The following CREB5 variants were observed in gnomAD, a reference collection of about 807,000 sequenced individuals.
CREB5 encodes cyclic AMP-responsive element-binding protein 5.
Under a neutral mutation model 57.1 loss-of-function variants are expected in CREB5, and 19 were observed. The observed-to-expected ratio is 0.33, with a 90% CI of 0.23 to 0.49. The LOEUF (loss-of-function observed/expected upper bound fraction) is 0.49. Among genes scored for constraint, CREB5 ranks in the 20% least tolerant of loss-of-function variants. The pLI, the probability that CREB5 is intolerant of heterozygous loss-of-function variation, is 0.99. For synonymous variants in CREB5, 238 were observed against 238.3 expected, an observed-to-expected ratio of 1.00 and a Z score of 0.01; for missense variants, 579 against 671.6, an observed-to-expected ratio of 0.86 and a Z score of 1.52.
chr7:28,420,466 A>C (rs892661700), intron 1 of CREB5, among the ~76,000 whole-genome samples: 1 of 152,222 alleles, frequency 6.6e-6, no homozygotes, highest in Admixed American at 6.5e-5. Context: ...GATTGGTTGC[A>C]CAACAGTGTG....
At chr7:28,667,562 C>T (rs1799874175) in intron 5 of CREB5, among the ~76,000 whole-genome samples, 1 of 151,104 alleles carries the variant, frequency 6.6e-6, no homozygotes, top group Non-Finnish European at 1.5e-5. Flanking sequence ...GGGAATCATT[C>T]TCTAAGTAGA....
intron 5 of CREB5, among the ~76,000 whole-genome samples, chr7:28,622,261 A>T (rs41288): frequency 0.15 from 14,674 of 98,714 alleles, 755 homozygotes; most frequent in African/African-American, 0.23. Context: ...TCTCTCTCTC[A>T]CACACACACA....
At chr7:28,611,720 T>TAAA (rs1797396715) in intron 5 of CREB5, among the ~76,000 whole-genome samples, 1 of 141,204 alleles carries the variant, frequency 7.1e-6, no homozygotes, top group African/African-American at 2.7e-5. Flanking sequence ...AAATAAAATA[T>TAAA]ATATGTGCGA....
chr7:28,560,825 C>CGTGCGCGTGCGT, intron 4 of CREB5, among the ~76,000 whole-genome samples: 1 of 37,566 alleles, frequency 2.7e-5, no homozygotes, highest in Non-Finnish European at 6.5e-5. Context: ...TGTGTGTGCG[C>CGTGCGCGTGCGT]GCGCGCGCGT....
chr7:28,491,262 G>T (rs912518172), intron 2 of CREB5: 1 of 985,288 alleles, frequency 1.0e-6, no homozygotes, highest in African/African-American at 1.7e-5. Context: ...GAGACAGAAG[G>T]GGTGAGCATG....
chr7:28,304,754 G>T (rs577287666), intron 1 of CREB5, among the ~76,000 whole-genome samples: 3 of 152,250 alleles, frequency 2.0e-5, no homozygotes, highest in African/African-American at 7.2e-5. Flanking sequence ...AACTCACATT[G>T]TAAAAAATCA....
intron 7 of CREB5, among the ~76,000 whole-genome samples, chr7:28,762,814 A>G (rs1486810798): frequency 1.3e-5 from 2 of 151,458 alleles, no homozygotes; most frequent in East Asian, 3.9e-4. Context: ...CTTTTCATTC[A>G]TTTATTTCTT....
intron 7 of CREB5, among the ~76,000 whole-genome samples, chr7:28,728,379 A>G (rs949435270): frequency 6.6e-6 from 1 of 152,246 alleles, no homozygotes; most frequent in African/African-American, 2.4e-5. Flanking sequence ...TCCTTTGGAT[A>G]AAAATATCAT....
chr7:28,416,451 G>A (rs1788029940), intron 1 of CREB5, among the ~76,000 whole-genome samples: 1 of 152,168 alleles, frequency 6.6e-6, no homozygotes, highest in Admixed American at 6.5e-5. Context: ...ATCAAAACAA[G>A]ATCTTCTCCT....
At chr7:28,539,804 G>T (rs190132124) in intron 4 of CREB5, among the ~76,000 whole-genome samples, 14 of 152,268 alleles carry the variant, frequency 9.2e-5, no homozygotes, top group African/African-American at 3.4e-4. Context: ...ACCTGCCTTC[G>T]TCACCTTGTG....
intron 1 of CREB5, among the ~76,000 whole-genome samples, chr7:28,304,991 CAT>C (rs1368946298): frequency 4.6e-5 from 7 of 152,138 alleles, no homozygotes; most frequent in Admixed American, 1.3e-4. Context: ...AAATTTGCAA[CAT>C]GTTTGTCAAA....
Position 28,613,241 on chromosome 7 carries a change from C to T in CREB5, c.464+42704C>T, listed in dbSNP as rs560555906. ...TATATTTTTCCCCTTGAAAAGTATT[C>T]GCATTGCAAATGTGTGACCGTCTAA... On this transcript the variant is annotated intron_variant, in intron 5 of 10. Coordinates refer to ENST00000357727, the MANE Select transcript of CREB5 (RefSeq NM_182898.4). Among the ~76,000 whole-genome samples the T allele has an allele frequency of 2.6e-5, 4 of 152,288 alleles. No individual in the cohort carries two copies. The South Asian group carries it at 6.2e-4, about 24-fold the overall frequency.
At chr7:28,761,276 C>T (rs1026055539) in intron 7 of CREB5, among the ~76,000 whole-genome samples, 12 of 152,202 alleles carry the variant, frequency 7.9e-5, no homozygotes, top group Admixed American at 2.6e-4. Context: ...TGGGGTTCCA[C>T]AGCTGCTGCT....
chr7:28,579,028 C>T (rs1241300138), intron 5 of CREB5, among the ~76,000 whole-genome samples: 1 of 152,176 alleles, frequency 6.6e-6, no homozygotes, highest in Non-Finnish European at 1.5e-5. Context: ...CATCATTGCT[C>T]TAGGGATAGA....
intron 5 of CREB5, among the ~76,000 whole-genome samples, chr7:28,698,924 AT>A (rs1463577316): frequency 1.3e-5 from 2 of 152,098 alleles, no homozygotes; most frequent in Non-Finnish European, 2.9e-5. Context: ...CCCTCCAATT[AT>A]TTTTTACTAG....
intron 1 of CREB5, among the ~76,000 whole-genome samples, chr7:28,333,921 C>G (rs1463120719): frequency 2.0e-5 from 3 of 152,140 alleles, no homozygotes; most frequent in Non-Finnish European, 1.5e-5. Flanking sequence ...CAGCAATAGA[C>G]TTGCCAGATT....
Position 28,561,359 on chromosome 7 carries a change from G to T in CREB5, c.292-9006G>T, listed in dbSNP as rs535553143. On this transcript the variant is annotated intron_variant, in intron 4 of 10. Coordinates refer to ENST00000357727, the MANE Select transcript of CREB5 (RefSeq NM_182898.4). ...TAAGGGCTTTGAAAGAAGTGTGTGT[G>T]GGATAAGGTGGAGGACCAAGGAGTA... Among the ~76,000 whole-genome samples the T allele has an allele frequency of 4.3e-4, 65 of 152,254 alleles. No individual in the cohort carries two copies. The South Asian group carries it at 0.012, about 29-fold the overall frequency.
chr7:28,432,291 T>G (rs1439155115), intron 1 of CREB5, among the ~76,000 whole-genome samples: 1 of 152,100 alleles, frequency 6.6e-6, no homozygotes, highest in Admixed American at 6.6e-5. Flanking sequence ...TACAAGAAAT[T>G]CATTCAGAAA....
At chr7:28,775,566 T>TATATATATATATATATATATATATA (rs1396993277) in intron 7 of CREB5, among the ~76,000 whole-genome samples, 2 of 82,546 alleles carry the variant, frequency 2.4e-5, no homozygotes, top group Admixed American at 1.3e-4. Context: ...ATATATATAT[T>TATATATATATATATATATATATATA]AGCGTATTTT....
Sources: gnomAD v4.1 joint callset for allele counts (sites outside exome capture counted in the v4.1 genomes callset) on GRCh38, gnomAD v4.1.1 for gene constraint, MANE v1.5 for transcripts, NCBI Gene and HGNC (gene_info 2026-07-23, HGNC 2026-07-21) for gene names.